Variants in PHKB observed in about 807,000 individuals in gnomAD.
PHKB encodes phosphorylase b kinase regulatory subunit beta.
PHKB carries 122 observed loss-of-function variants against 152.1 expected under a neutral mutation model. That is an observed-to-expected ratio of 0.80 (90% CI 0.69 to 0.93). PHKB has a LOEUF of 0.93. PHKB is among the 40% of genes least tolerant of loss of function. The pLI, the probability that PHKB is intolerant of heterozygous loss-of-function variation, is 0.00. For missense variants in PHKB, 1,304 were observed against 1,328.4 expected (o/e 0.98, Z 0.29); for synonymous variants, 436 against 464.9 (o/e 0.94, Z 0.80).
chr16:47,689,146 G>C lies in PHKB; in HGVS notation c.2736G>C (p.Leu912=). 1 of 1,613,932 alleles carries C rather than the reference G, an allele frequency of 6.2e-7. No homozygotes were observed. The highest frequency in any genetic ancestry group is 8.5e-7 in the Non-Finnish European group (1 of 1,179,958). ...LSPSEVKQLL[L]DILQPQQNGR... ...CTAGTGAAGTTAAACAGCTTCTGCT[G>C]GATATTCTGCAGCCTCAACAGAATG... Residue 912 remains leucine, a synonymous_variant, in exon 27 of 31, where the codon CTG becomes CTC. Coordinates refer to ENST00000323584, the MANE Select transcript of PHKB (RefSeq NM_000293.3).
rs147310185 is a variant in PHKB at position 47,569,479 on chromosome 16, T to G, written c.711-10816T>G. Reference sequence around the variant, plus strand: ...ATCCATTCTGCCAATCTGTATCTTTTAAGTGGGGCATTACACCATTTACAT... The same window carrying G: ...ATCCATTCTGCCAATCTGTATCTTTGAAGTGGGGCATTACACCATTTACAT... On this transcript the variant is annotated intron_variant, in intron 7 of 30. Coordinates refer to ENST00000323584, the MANE Select transcript of PHKB (RefSeq NM_000293.3). Among the ~76,000 whole-genome samples the G allele has an allele frequency of 1.1e-4, 16 of 152,336 alleles. No homozygotes were observed. The East Asian group carries it at 2.9e-3, about 28-fold the overall frequency.
intron 16 of PHKB, among the ~76,000 whole-genome samples, chr16:47,647,156 T>G (rs1259456104): frequency 6.6e-6 from 1 of 152,140 alleles, no homozygotes; most frequent in African/African-American, 2.4e-5. Context: ...GTAGTTTCTC[T>G]CTTGTCGCCC....
chr16:47,468,170 ACTC>A (rs1398224902), intron 1 of PHKB, among the ~76,000 whole-genome samples: 1 of 152,022 alleles, frequency 6.6e-6, no homozygotes, highest in African/African-American at 2.4e-5. Flanking sequence ...CTTCAGCTGT[ACTC>A]CTACCTCCCT....
intron 1 of PHKB, among the ~76,000 whole-genome samples, chr16:47,496,406 A>G (rs1358526432): frequency 2.6e-5 from 4 of 151,916 alleles, no homozygotes; most frequent in African/African-American, 9.7e-5. Flanking sequence ...GCTTTAAACT[A>G]GCGTGTTGGA....
In PHKB at chr16:47,700,754, T is replaced by C. The variant is rs1199818834; in HGVS notation, c.*1388T>C. On this transcript the variant is annotated 3_prime_UTR_variant, in exon 31 of 31. Transcript: ENST00000323584. Reference sequence around the variant, plus strand: ...CTTACTGGAGTTTCACCTGAGAAGATAGATTTGTCACATAAAAAATGCAGC... The same window carrying C: ...CTTACTGGAGTTTCACCTGAGAAGACAGATTTGTCACATAAAAAATGCAGC... 1 of 152,124 alleles carries C rather than the reference T, an allele frequency of 6.6e-6. No homozygotes were observed. Among genetic ancestry groups the C allele is most frequent in the Non-Finnish European group, 1.5e-5 (1 of 68,014 alleles). 9.4% of individuals were successfully genotyped at this position (152,124 alleles called of 1,614,324 possible).
intron 29 of PHKB, among the ~76,000 whole-genome samples, chr16:47,696,724 G>C (rs1277782800): frequency 1.3e-5 from 2 of 152,064 alleles, no homozygotes; most frequent in East Asian, 1.9e-4. Flanking sequence ...GACACCTCAG[G>C]CTCCTCCAGG....
chr16:47,539,578 A>T, intron 6 of PHKB, among the ~76,000 whole-genome samples: 1 of 152,130 alleles, frequency 6.6e-6, no homozygotes, highest in East Asian at 1.9e-4. Flanking sequence ...TTTTATTTCT[A>T]TACTGTATAT....
rs138044436 is a variant in PHKB at position 47,645,680 on chromosome 16, T to C, written c.1609-2853T>C. 5.7e-3 allele frequency among the ~76,000 whole-genome samples: 860 copies of C among 151,860 alleles called. 7 individuals carry two copies. The highest frequency in any genetic ancestry group is 0.02 in the African/African-American group (819 of 41,292). On this transcript the variant is annotated intron_variant, in intron 16 of 30. Transcript: ENST00000323584. Reference sequence around the variant, plus strand: ...CCAGCTTTGTTCTTTTGGCTTAGGATTGACTTGGCGATGCGGGCTCTTTCA... The same window carrying C: ...CCAGCTTTGTTCTTTTGGCTTAGGACTGACTTGGCGATGCGGGCTCTTTCA...
intron 26 of PHKB, among the ~76,000 whole-genome samples, chr16:47,674,363 A>G (rs1215320170): frequency 6.6e-6 from 1 of 152,204 alleles, no homozygotes; most frequent in African/African-American, 2.4e-5. Flanking sequence ...TGTTGGTGCA[A>G]AAGTAATCGT....
At chr16:47,638,417 C>G (rs996624897) in intron 14 of PHKB, among the ~76,000 whole-genome samples, 1 of 152,198 alleles carries the variant, frequency 6.6e-6, no homozygotes, top group African/African-American at 2.4e-5. Context: ...GTGTGAAATA[C>G]TGTGCTTAGC....
intron 1 of PHKB, among the ~76,000 whole-genome samples, chr16:47,478,638 G>C (rs1005827883): frequency 2.0e-5 from 3 of 151,978 alleles, no homozygotes; most frequent in Admixed American, 1.3e-4. Flanking sequence ...TATTAGGAGA[G>C]TTATTGTGAG....
intron 14 of PHKB, among the ~76,000 whole-genome samples, chr16:47,630,984 T>C (rs1972816313): frequency 6.6e-6 from 1 of 152,160 alleles, no homozygotes; most frequent in African/African-American, 2.4e-5. Flanking sequence ...TGACACTGTC[T>C]GCCTTCCTGG....
At chr16:47,603,034 A>G (rs916479482) in intron 13 of PHKB, among the ~76,000 whole-genome samples, 1 of 152,186 alleles carries the variant, frequency 6.6e-6, no homozygotes, top group African/African-American at 2.4e-5. Context: ...GATTTTATTC[A>G]TGACATTTCT....
intron 1 of PHKB, among the ~76,000 whole-genome samples, chr16:47,465,283 G>C (rs1173804622): frequency 1.3e-5 from 2 of 152,074 alleles, no homozygotes; most frequent in Non-Finnish European, 2.9e-5. Flanking sequence ...TTTCCATCTT[G>C]GCTTTTCTAC....
intron 6 of PHKB, among the ~76,000 whole-genome samples, chr16:47,527,412 A>C (rs996281752): frequency 6.6e-6 from 1 of 152,164 alleles, no homozygotes; most frequent in Admixed American, 6.5e-5. Context: ...AAGATTAACA[A>C]TATAAACTGA....
intron 14 of PHKB, 77 bp downstream of exon 14, chr16:47,610,997 T>C: frequency 1.1e-6 from 1 of 883,318 alleles, no homozygotes; most frequent in Non-Finnish European, 1.9e-6. Context: ...ATTTTTGTTC[T>C]GAATAGGTTT....
intron 6 of PHKB, chr16:47,529,571 C>T (rs1369462643): frequency 1.3e-5 from 2 of 152,174 alleles, no homozygotes; most frequent in African/African-American, 4.8e-5. Context: ...TGGTCTCGAT[C>T]TCCTGACCTC....
chr16:47,565,518 T>C lies in PHKB; in HGVS notation c.711-14777T>C, dbSNP rs182415405. 104 of 1,284,220 alleles carry C rather than the reference T, an allele frequency of 8.1e-5. 1 individual carries two copies. In the East Asian group the frequency reaches 2.2e-3, roughly 28 times the overall value. 79.6% of individuals were successfully genotyped at this position (1,284,220 alleles called of 1,614,324 possible). A position where few individuals can be genotyped will look rare whatever the true frequency, so the allele number is the denominator to read the frequency against. On this transcript the variant is annotated intron_variant, in intron 7 of 30. Coordinates refer to ENST00000323584, the MANE Select transcript of PHKB (RefSeq NM_000293.3). ...GCATTACCTTTAGGGGCTGATCAGG[T>C]TTGGGAGTTTTAGAAGTTGGAGAGT...
At chr16:47,599,090 T>C (rs1163335758) in intron 13 of PHKB, 51 of 568,316 alleles carry the variant, frequency 9.0e-5, no homozygotes, top group East Asian at 8.1e-4. Context: ...TAGAATGTTA[T>C]TTCCGTCTCA....
Sources: allele counts gnomAD v4.1 joint callset (sites outside exome capture counted in the v4.1 genomes callset), GRCh38; gene constraint gnomAD v4.1.1; transcripts MANE v1.5; gene names NCBI Gene and HGNC (gene_info 2026-07-23, HGNC 2026-07-21).